The following LINGO1 variants were observed in gnomAD, a reference collection of about 807,000 sequenced individuals.
LINGO1 encodes the protein leucine-rich repeat and immunoglobulin-like domain-containing nogo receptor-interacting protein 1.
LINGO1 carries 11 observed loss-of-function variants against 37.3 expected under a neutral mutation model. The observed-to-expected ratio is 0.29, with a 90% CI of 0.19 to 0.49. The LOEUF (loss-of-function observed/expected upper bound fraction) is 0.49. Ranked by LOEUF, LINGO1 falls within the 20% of genes least tolerant of loss-of-function variation. The probability of loss-of-function intolerance (pLI) is 0.99; values close to 1 mark genes in which losing one functional copy is unlikely to be tolerated. For synonymous variants in LINGO1, 387 were observed against 403.0 expected (o/e 0.96, Z 0.48); for missense variants, 585 against 878.2 (o/e 0.67, Z 4.22).
At chr15:77,720,845 C>T (rs2076042257) in intron 2 of LINGO1, 1 of 152,062 alleles carries the variant, frequency 6.6e-6, no homozygotes, top group African/African-American at 2.4e-5. Context: ...GGCCCCAGGC[C>T]TGGGGCCCAG....
intron 3 of LINGO1, among the ~76,000 whole-genome samples, chr15:77,673,378 ACC>A (rs386785539): frequency 0.08 from 12,149 of 152,180 alleles, 660 homozygotes; most frequent in African/African-American, 0.14. Flanking sequence ...TTCTAAATCC[ACC>A]TGCTCTTGCA....
At chr15:77,778,246 C>T (rs1284886256) in intron 1 of LINGO1, among the ~76,000 whole-genome samples, 1 of 152,190 alleles carries the variant, frequency 6.6e-6, no homozygotes, top group Non-Finnish European at 1.5e-5. Context: ...TCTCCCTCTG[C>T]CTCCCTCTTA....
At chr15:77,776,550 G>GAGTA (rs2076655972) in intron 1 of LINGO1, among the ~76,000 whole-genome samples, 7 of 44,988 alleles carry the variant, frequency 1.6e-4, no homozygotes, top group East Asian at 1.3e-3. Context: ...GGGAGGGAGG[G>GAGTA]AGGGAGGGAG....
chr15:77,812,338 GACA>G (rs1365261245), intron 1 of LINGO1, among the ~76,000 whole-genome samples: 1 of 152,122 alleles, frequency 6.6e-6, no homozygotes, highest in African/African-American at 2.4e-5. Flanking sequence ...CAGAAATGAT[GACA>G]AGTCAGTAAC....
At chr15:77,796,265 T>C (rs1194277559) in intron 1 of LINGO1, among the ~76,000 whole-genome samples, 2 of 152,140 alleles carry the variant, frequency 1.3e-5, no homozygotes, top group African/African-American at 2.4e-5. Context: ...CTTACACACA[T>C]AGATGTGTTG....
chr15:77,810,867 C>T (rs925904054), intron 1 of LINGO1, among the ~76,000 whole-genome samples: 2 of 152,130 alleles, frequency 1.3e-5, no homozygotes, highest in African/African-American at 4.8e-5. Context: ...CCACAGCCTC[C>T]CAGGGAGGAG....
chr15:77,649,873 C>A lies in LINGO1; in HGVS notation c.-13+27216G>T, dbSNP rs74025347. Among the ~76,000 whole-genome samples the A allele has an allele frequency of 7.5e-3, 1,134 of 152,008 alleles. 10 individuals carry two copies. Among genetic ancestry groups the A allele is most frequent in the African/African-American group, 0.026 (1,084 of 41,446 alleles). On this transcript the variant is annotated intron_variant, in intron 3 of 3. Coordinates refer to the LINGO1 transcript ENST00000559893. ...TGAAAGGGTGGAGATCTTTTCCCCG[C>A]GACTCCTACCACCAACTCTGTCACC...
chr15:77,768,262 A>G (rs2076549433), intron 1 of LINGO1, among the ~76,000 whole-genome samples: 1 of 75,550 alleles, frequency 1.3e-5, no homozygotes, highest in South Asian at 4.8e-4. Context: ...ATAAAGGGCC[A>G]GATGCAGGGT....
intron 2 of LINGO1, among the ~76,000 whole-genome samples, chr15:77,724,079 G>A (rs908450017): frequency 1.2e-4 from 18 of 152,284 alleles, no homozygotes; most frequent in Admixed American, 2.6e-4. Context: ...CCAGTCACCC[G>A]GGGCTTCTCC....
At chr15:77,644,351 C>T (rs1015708344) in intron 3 of LINGO1, among the ~76,000 whole-genome samples, 1 of 152,202 alleles carries the variant, frequency 6.6e-6, no homozygotes, top group Non-Finnish European at 1.5e-5. Context: ...CTCTCTCTAT[C>T]CCTTCTCTGC....
intron 3 of LINGO1, among the ~76,000 whole-genome samples, chr15:77,639,414 G>A (rs550815576): frequency 6.6e-6 from 1 of 152,060 alleles, no homozygotes; most frequent in South Asian, 2.1e-4. Flanking sequence ...TGCTCTCAAG[G>A]GGGGCAAGGA....
chr15:77,656,672 G>A (rs1439643009), intron 3 of LINGO1, among the ~76,000 whole-genome samples: 3 of 152,002 alleles, frequency 2.0e-5, no homozygotes, highest in East Asian at 1.9e-4. Flanking sequence ...TCCTGTCCTC[G>A]GCCCTCCCCA....
chr15:77,698,162 G>A (rs2075721283), upstream of LINGO1, among the ~76,000 whole-genome samples: 1 of 152,136 alleles, frequency 6.6e-6, no homozygotes, highest in South Asian at 2.1e-4. Flanking sequence ...AGGGTTCTGG[G>A]AGGCAGAAAC....
intron 3 of LINGO1, among the ~76,000 whole-genome samples, chr15:77,674,811 A>C (rs928440263): frequency 5.9e-5 from 9 of 151,288 alleles, no homozygotes; most frequent in Non-Finnish European, 1.5e-5. Context: ...TCCCATACGC[A>C]TGCTGTATTT....
upstream of LINGO1, among the ~76,000 whole-genome samples, chr15:77,789,974 G>A (rs1382389140): frequency 6.6e-6 from 1 of 152,064 alleles, no homozygotes; most frequent in African/African-American, 2.4e-5. Flanking sequence ...GTCTCGCCAT[G>A]TTGCCCAGGC....
intron 2 of LINGO1, among the ~76,000 whole-genome samples, chr15:77,717,873 A>AG (rs1206877876): frequency 1.3e-5 from 2 of 150,854 alleles, no homozygotes; most frequent in Non-Finnish European, 3.0e-5. Flanking sequence ...GAGGGGCCCA[A>AG]GGGGGCCCGA....
intron 3 of LINGO1, among the ~76,000 whole-genome samples, chr15:77,659,571 T>C (rs996193733): frequency 6.6e-6 from 1 of 152,120 alleles, no homozygotes; most frequent in Non-Finnish European, 1.5e-5. Context: ...CACACAGCAG[T>C]TGAAGTGTGA....
At chr15:77,691,846 T>C (rs901638084) in intron 1 of LINGO1, among the ~76,000 whole-genome samples, 1 of 151,892 alleles carries the variant, frequency 6.6e-6, no homozygotes, top group Non-Finnish European at 1.5e-5. Flanking sequence ...GGTAGAAAAC[T>C]GAGAAAATGA....
intron 1 of LINGO1, among the ~76,000 whole-genome samples, chr15:77,808,943 C>T (rs1192653566): frequency 6.6e-6 from 1 of 152,242 alleles, no homozygotes; most frequent in Admixed American, 6.5e-5. Context: ...TCCCACTCCA[C>T]ATGCAGTCAC....
Sources: allele counts gnomAD v4.1 joint callset (sites outside exome capture counted in the v4.1 genomes callset), GRCh38; gene constraint gnomAD v4.1.1; transcripts MANE v1.5; gene names NCBI Gene and HGNC (gene_info 2026-07-23, HGNC 2026-07-21).